The following CCDC178 variants were observed in gnomAD, a reference collection of about 807,000 sequenced individuals.
The protein encoded by CCDC178 is coiled-coil domain containing 178.
Under a neutral mutation model 117.4 loss-of-function variants are expected in CCDC178, and 126 were observed. The ratio of observed to expected loss-of-function variants is 1.07; its 90% CI spans 0.93 to 1.24. The LOEUF (loss-of-function observed/expected upper bound fraction) is 1.24. Among genes scored for constraint, CCDC178 ranks in the 50% most tolerant of loss-of-function variants. CCDC178 has a pLI of 0.00. For synonymous variants in CCDC178, 283 were observed against 313.4 expected (o/e 0.90, Z 1.02); for missense variants, 1,030 against 986.9 (o/e 1.04, Z -0.59).
At chr18:33,066,236 A>G (rs951539565) in intron 21 of CCDC178, among the ~76,000 whole-genome samples, 45 of 152,176 alleles carry the variant, frequency 3.0e-4, no homozygotes, top group Non-Finnish European at 3.2e-4. Flanking sequence ...CCACTAGACC[A>G]GTCCTACAAG....
intron 21 of CCDC178, among the ~76,000 whole-genome samples, chr18:33,008,790 A>T (rs1415439924): frequency 6.6e-6 from 1 of 152,056 alleles, no homozygotes; most frequent in African/African-American, 2.4e-5. Flanking sequence ...TACCTCATTT[A>T]GTCTAATGAT....
chr18:33,195,056 G>T (rs2058912432), intron 20 of CCDC178, among the ~76,000 whole-genome samples: 1 of 150,240 alleles, frequency 6.7e-6, no homozygotes, highest in Non-Finnish European at 1.5e-5. Flanking sequence ...GTTTGAGGCT[G>T]CAGTGAGCTA....
intron 20 of CCDC178, among the ~76,000 whole-genome samples, chr18:33,112,071 A>G (rs1343034199): frequency 6.6e-6 from 1 of 151,826 alleles, no homozygotes; most frequent in African/African-American, 2.4e-5. Flanking sequence ...TGAATACATC[A>G]ATGTGTTTAT....
intron 14 of CCDC178, among the ~76,000 whole-genome samples, chr18:33,254,632 C>A (rs1175841347): frequency 6.6e-6 from 1 of 151,870 alleles, no homozygotes; most frequent in African/African-American, 2.4e-5. Context: ...ACCAATAGGA[C>A]AAGCTTCTGG....
At chr18:33,386,589 A>G (rs1292438102) in intron 5 of CCDC178, among the ~76,000 whole-genome samples, 1 of 152,238 alleles carries the variant, frequency 6.6e-6, no homozygotes, top group Non-Finnish European at 1.5e-5. Context: ...AACGTAATTT[A>G]TCACATAAAC....
At chr18:33,005,714 G>A (rs898403398) in intron 21 of CCDC178, among the ~76,000 whole-genome samples, 8 of 152,028 alleles carry the variant, frequency 5.3e-5, no homozygotes, top group Admixed American at 1.3e-4. Flanking sequence ...ACTATTTCAT[G>A]TAATCCATAC....
At chr18:33,439,851 A>G (rs1285328579) in intron 2 of CCDC178, 111 bp downstream of exon 2, 2 of 152,252 alleles carry the variant, frequency 1.3e-5, no homozygotes, top group Non-Finnish European at 2.9e-5. Context: ...AAACAATAAT[A>G]GAAAATGCTT....
At chr18:33,240,925 T>C (rs1420495393) in intron 15 of CCDC178, among the ~76,000 whole-genome samples, 2 of 151,698 alleles carry the variant, frequency 1.3e-5, no homozygotes. Context: ...CCAATATGTA[T>C]GAAAATAGAG....
At chr18:33,280,011 C>T (rs1441620300) in intron 12 of CCDC178, among the ~76,000 whole-genome samples, 2 of 151,032 alleles carry the variant, frequency 1.3e-5, no homozygotes, top group African/African-American at 4.9e-5. Context: ...AGAAGGAAAC[C>T]TAGGCATTAC....
At chr18:33,005,282 C>T (rs1483940775) in intron 21 of CCDC178, among the ~76,000 whole-genome samples, 1 of 151,918 alleles carries the variant, frequency 6.6e-6, no homozygotes, top group Non-Finnish European at 1.5e-5. Flanking sequence ...ACTATTTAGC[C>T]ACAAAAAGAA....
At chr18:33,048,179 G>C (rs1203002800) in intron 21 of CCDC178, among the ~76,000 whole-genome samples, 2 of 152,152 alleles carry the variant, frequency 1.3e-5, no homozygotes, top group Non-Finnish European at 2.9e-5. Context: ...TCTCTCTCTA[G>C]CATCTTCAGA....
chr18:33,324,311 A>G (rs2062556838), intron 10 of CCDC178, among the ~76,000 whole-genome samples: 1 of 151,908 alleles, frequency 6.6e-6, no homozygotes, highest in Non-Finnish European at 1.5e-5. Context: ...GACATGCACA[A>G]CGCATGTATG....
At chr18:33,358,964 A>G (rs1173415191) in intron 6 of CCDC178, among the ~76,000 whole-genome samples, 3 of 151,904 alleles carry the variant, frequency 2.0e-5, no homozygotes, top group Non-Finnish European at 4.4e-5. Context: ...GAGCATGTTA[A>G]TAAGATTCTA....
At chr18:33,400,359 T>C (rs2063694172) in intron 3 of CCDC178, among the ~76,000 whole-genome samples, 1 of 152,150 alleles carries the variant, frequency 6.6e-6, no homozygotes, top group African/African-American at 2.4e-5. Flanking sequence ...ACCAGGCATT[T>C]ATTTCTCCTC....
intron 2 of CCDC178, among the ~76,000 whole-genome samples, chr18:33,419,069 G>A (rs751862319): frequency 9.9e-5 from 15 of 151,924 alleles, no homozygotes; most frequent in Non-Finnish European, 1.6e-4. Context: ...CCAAAACAGC[G>A]CGGTACTGGT....
At chr18:33,332,780 A>C (rs1453192595) in intron 10 of CCDC178, among the ~76,000 whole-genome samples, 1 of 151,960 alleles carries the variant, frequency 6.6e-6, no homozygotes, top group Non-Finnish European at 1.5e-5. Flanking sequence ...CATCTGGCTA[A>C]TTTTTGTATG....
intron 12 of CCDC178, among the ~76,000 whole-genome samples, chr18:33,275,398 A>G (rs1455260194): frequency 6.6e-6 from 1 of 151,812 alleles, no homozygotes; most frequent in African/African-American, 2.4e-5. Flanking sequence ...AACAACAAAT[A>G]TAAAGTTATT....
chr18:33,418,980 C>T (rs1170451483), intron 2 of CCDC178, among the ~76,000 whole-genome samples: 1 of 151,914 alleles, frequency 6.6e-6, no homozygotes, highest in East Asian at 1.9e-4. Context: ...AATTAGAAAA[C>T]AACTATGCTA....
intron 21 of CCDC178, among the ~76,000 whole-genome samples, chr18:32,982,001 A>C (rs944346434): frequency 6.6e-6 from 1 of 152,172 alleles, no homozygotes; most frequent in Non-Finnish European, 1.5e-5. Context: ...CTTAATAAAC[A>C]GATATTTTTG....
Sources: gnomAD v4.1 joint callset for allele counts (sites outside exome capture counted in the v4.1 genomes callset) on GRCh38, gnomAD v4.1.1 for gene constraint, MANE v1.5 for transcripts, NCBI Gene and HGNC (gene_info 2026-07-23, HGNC 2026-07-21) for gene names.